Variants in GSK3B observed in about 807,000 individuals in gnomAD.
The protein encoded by GSK3B is glycogen synthase kinase-3 beta.
Under a neutral mutation model 56.4 loss-of-function variants are expected in GSK3B, and 15 were observed. The observed-to-expected ratio is 0.27, with a 90% CI of 0.18 to 0.41. The LOEUF is 0.41. GSK3B is among the 10% of genes least tolerant of loss of function. GSK3B has a pLI of 1.00. For missense variants in GSK3B, 300 were observed against 513.4 expected (o/e 0.58, Z 4.02); for synonymous variants, 181 against 188.9 (o/e 0.96, Z 0.34).
At position 119,971,673 on chromosome 3, in the gene GSK3B, G is replaced by A. The variant is rs762263511; in HGVS notation, c.283-24322C>T. On this transcript the variant is annotated intron_variant, in intron 2 of 10. Coordinates refer to ENST00000264235, the MANE Select transcript of GSK3B (RefSeq NM_001146156.2). ...GTCGCCCAGGCTGGAGTGCAGTGGC[G>A]GGATCTCGGCTCACTGCAAGCTCCG... 3.9e-4 allele frequency among the ~76,000 whole-genome samples: 53 copies of A among 134,320 alleles called. 1 individual carries two copies. Among genetic ancestry groups the A allele is most frequent in the Non-Finnish European group, 7.2e-4 (47 of 65,260 alleles). The allele number at this position is 134,320 out of a possible 152,430, so 88.1% of individuals were successfully genotyped here.
At chr3:119,838,956 A>G (rs2055732952) in intron 10 of GSK3B, among the ~76,000 whole-genome samples, 1 of 146,808 alleles carries the variant, frequency 6.8e-6, no homozygotes, top group African/African-American at 2.8e-5. Flanking sequence ...CAACAAAAGG[A>G]AAGTTGAAAC....
chr3:119,955,999 GA>G (rs564985232), intron 2 of GSK3B, among the ~76,000 whole-genome samples: 28 of 151,652 alleles, frequency 1.8e-4, no homozygotes, highest in Admixed American at 3.9e-4. Flanking sequence ...AGATTGCTAT[GA>G]AAAAAAATGT....
chr3:119,954,056 G>C (rs2057185390), intron 2 of GSK3B, among the ~76,000 whole-genome samples: 1 of 151,974 alleles, frequency 6.6e-6, no homozygotes, highest in Non-Finnish European at 1.5e-5. Flanking sequence ...TACTATAAGT[G>C]TTTTAAGAAC....
chr3:120,029,814 A>G (rs2057959999), intron 1 of GSK3B: 3 of 552,928 alleles, frequency 5.4e-6, no homozygotes, highest in South Asian at 1.4e-5. Flanking sequence ...TCTAGTGAAA[A>G]TCTGGCACGA....
At chr3:120,062,710 C>T (rs1157808894) in intron 1 of GSK3B, among the ~76,000 whole-genome samples, 1 of 152,170 alleles carries the variant, frequency 6.6e-6, no homozygotes, top group Non-Finnish European at 1.5e-5. Context: ...TGAACAAGAT[C>T]AGAAGGCTTT....
chr3:119,831,582 G>A (rs1190640923), intron 10 of GSK3B, among the ~76,000 whole-genome samples: 2 of 151,804 alleles, frequency 1.3e-5, no homozygotes, highest in East Asian at 1.9e-4. Flanking sequence ...GCGTGAACCT[G>A]GGAGGCAGAG....
intron 1 of GSK3B, among the ~76,000 whole-genome samples, chr3:120,080,112 A>C (rs1330390570): frequency 6.6e-6 from 1 of 152,032 alleles, no homozygotes; most frequent in East Asian, 1.9e-4. Flanking sequence ...GTAATATAGC[A>C]AAATCTCGTC....
At chr3:119,984,662 C>T (rs2057497346) in intron 2 of GSK3B, among the ~76,000 whole-genome samples, 1 of 151,984 alleles carries the variant, frequency 6.6e-6, no homozygotes, top group African/African-American at 2.4e-5. Flanking sequence ...AAGAATAAAC[C>T]AGGAAGAAGT....
chr3:119,976,765 C>CAAAAA (rs563133631), intron 2 of GSK3B, among the ~76,000 whole-genome samples: 12 of 83,060 alleles, frequency 1.4e-4, no homozygotes, highest in South Asian at 4.7e-4. Flanking sequence ...CCACTCCCCA[C>CAAAAA]AAAAAAAAAA....
chr3:119,888,645 G>A (rs1271776427), intron 7 of GSK3B, among the ~76,000 whole-genome samples: 1 of 152,098 alleles, frequency 6.6e-6, no homozygotes, highest in African/African-American at 2.4e-5. Flanking sequence ...AATTTTCAGG[G>A]AACTAGGGAA....
At chr3:120,024,471 A>AT (rs1338903112) in intron 1 of GSK3B, among the ~76,000 whole-genome samples, 1 of 152,050 alleles carries the variant, frequency 6.6e-6, no homozygotes, top group Non-Finnish European at 1.5e-5. Flanking sequence ...CTAATTTTCT[A>AT]TTTTTTCAGC....
intron 1 of GSK3B, among the ~76,000 whole-genome samples, chr3:120,059,243 C>T (rs574804764): frequency 6.6e-6 from 1 of 152,110 alleles, no homozygotes; most frequent in South Asian, 2.1e-4. Context: ...TTTTGGGAAA[C>T]CCCAAACCTC....
At chr3:119,865,614 C>T (rs1206880136) in intron 8 of GSK3B, among the ~76,000 whole-genome samples, 4 of 150,494 alleles carry the variant, frequency 2.7e-5, no homozygotes, top group South Asian at 2.1e-4. Context: ...GGACTACAGG[C>T]GCCCGCCACC....
chr3:119,857,713 A>G (rs1338328721), intron 9 of GSK3B, among the ~76,000 whole-genome samples: 1 of 152,218 alleles, frequency 6.6e-6, no homozygotes, highest in Non-Finnish European at 1.5e-5. Context: ...GTTCCGAATG[A>G]CATCTAGAAT....
chr3:119,896,048 A>G (rs1576182103), intron 7 of GSK3B, among the ~76,000 whole-genome samples: 1 of 151,184 alleles, frequency 6.6e-6, no homozygotes, highest in South Asian at 2.1e-4. Flanking sequence ...GGACAGCTTG[A>G]GCCAAGAAGG....
intron 1 of GSK3B, among the ~76,000 whole-genome samples, chr3:120,071,517 C>G (rs1051664278): frequency 2.6e-5 from 4 of 152,154 alleles, no homozygotes; most frequent in Non-Finnish European, 4.4e-5. Flanking sequence ...GCAGCAGCAT[C>G]AGATTCTCAT....
chr3:119,835,294 C>T (rs2055672932), intron 10 of GSK3B, among the ~76,000 whole-genome samples: 1 of 152,206 alleles, frequency 6.6e-6, no homozygotes. Flanking sequence ...TGACATTAAA[C>T]TTTAAAATTC....
chr3:119,958,381 A>G (rs889418323), intron 2 of GSK3B, among the ~76,000 whole-genome samples: 1 of 1,882 alleles, frequency 5.3e-4, no homozygotes, highest in African/African-American at 1.9e-3. Context: ...TTATCGAAAA[A>G]GGGGTGGGTG....
intron 3 of GSK3B, among the ~76,000 whole-genome samples, chr3:119,944,116 A>T (rs1247359481): frequency 1.3e-5 from 2 of 152,188 alleles, no homozygotes; most frequent in Non-Finnish European, 2.9e-5. Flanking sequence ...CCAAGCCTTT[A>T]ATCTCTCTAA....
Sources: gnomAD v4.1 joint callset for allele counts (sites outside exome capture counted in the v4.1 genomes callset) on GRCh38, gnomAD v4.1.1 for gene constraint, MANE v1.5 for transcripts, NCBI Gene and HGNC (gene_info 2026-07-23, HGNC 2026-07-21) for gene names.